Variants in NKAIN3 observed in about 807,000 individuals in gnomAD.
NKAIN3 encodes the protein sodium/potassium-transporting ATPase subunit beta-1-interacting protein 3.
A neutral mutation model predicts 30.2 loss-of-function variants in NKAIN3; 25 were observed. That is an observed-to-expected ratio of 0.83 (90% CI 0.60 to 1.16). The LOEUF (loss-of-function observed/expected upper bound fraction) is 1.16. Among genes scored for constraint, NKAIN3 ranks in the 50% most tolerant of loss-of-function variants. The pLI, the probability that NKAIN3 is intolerant of heterozygous loss-of-function variation, is 0.00. For synonymous variants in NKAIN3, 91 were observed against 89.6 expected (o/e 1.02, Z -0.09); for missense variants, 225 against 254.1 (o/e 0.89, Z 0.78).
intron 3 of NKAIN3, among the ~76,000 whole-genome samples, chr8:62,711,632 T>C (rs1419892518): frequency 1.3e-5 from 2 of 152,208 alleles, no homozygotes; most frequent in Non-Finnish European, 2.9e-5. Context: ...TGAATATTTC[T>C]CCCTTCACTT....
intron 4 of NKAIN3, among the ~76,000 whole-genome samples, chr8:62,782,769 A>C (rs1460838127): frequency 6.7e-6 from 1 of 149,634 alleles, no homozygotes; most frequent in Non-Finnish European, 1.5e-5. Flanking sequence ...AGAATGATAC[A>C]TACGAGATAA....
chr8:62,587,777 T>A (rs1810525534), intron 2 of NKAIN3, among the ~76,000 whole-genome samples: 1 of 151,992 alleles, frequency 6.6e-6, no homozygotes, highest in African/African-American at 2.4e-5. Context: ...CCTTTTATTG[T>A]CAAAAACGTA....
At chr8:62,376,553 C>A (rs1323852442) in intron 1 of NKAIN3, among the ~76,000 whole-genome samples, 1 of 152,152 alleles carries the variant, frequency 6.6e-6, no homozygotes, top group East Asian at 1.9e-4. Flanking sequence ...GTGCTTGCAC[C>A]TGTCTGGGAC....
chr8:62,858,732 A>G (rs769499410), intron 4 of NKAIN3, among the ~76,000 whole-genome samples: 2 of 152,196 alleles, frequency 1.3e-5, no homozygotes, highest in Non-Finnish European at 2.9e-5. Flanking sequence ...GAGTCAACCA[A>G]ACAGCAGAGA....
At chr8:62,360,338 TTGTTAAAGGTGAAATCAC>T (rs1816514719) in intron 1 of NKAIN3, among the ~76,000 whole-genome samples, 1 of 152,200 alleles carries the variant, frequency 6.6e-6, no homozygotes, top group South Asian at 2.1e-4. Flanking sequence ...CCAGGAAGGT[TTGTTAAAGGTGAAATCAC>T]TGTTTCATAA....
chr8:62,312,369 A>G lies in NKAIN3; in HGVS notation c.54+63242A>G, dbSNP rs142794311. On this transcript the variant is annotated intron_variant, in intron 1 of 6. Transcript: ENST00000623646. ...AATATTAGGCTCTTAAGCAAAAAAT[A>G]TTGATGAGCACTGTCAATTCTGGCT... 6.1e-3 allele frequency among the ~76,000 whole-genome samples: 918 copies of G among 150,772 alleles called. 93 individuals are homozygous for G. The highest frequency in any genetic ancestry group is 0.022 in the African/African-American group (882 of 40,100).
At chr8:62,609,053 A>G (rs1260263906) in intron 3 of NKAIN3, among the ~76,000 whole-genome samples, 1 of 152,108 alleles carries the variant, frequency 6.6e-6, no homozygotes, top group Non-Finnish European at 1.5e-5. Flanking sequence ...CTCTAAGTCT[A>G]AACTGTGATA....
At chr8:62,733,061 T>A (rs1459659123) in intron 3 of NKAIN3, among the ~76,000 whole-genome samples, 4 of 152,122 alleles carry the variant, frequency 2.6e-5, no homozygotes, top group African/African-American at 7.2e-5. Flanking sequence ...TATTCTCTAC[T>A]ACTTCAAAAT....
chr8:62,425,939 A>G (rs954145360), intron 1 of NKAIN3, among the ~76,000 whole-genome samples: 2 of 151,974 alleles, frequency 1.3e-5, no homozygotes, highest in East Asian at 1.9e-4. Flanking sequence ...CCAATATTTT[A>G]ATTTTATCAG....
intron 3 of NKAIN3, among the ~76,000 whole-genome samples, chr8:62,694,549 G>A (rs1057507133): frequency 5.3e-5 from 8 of 152,120 alleles, no homozygotes; most frequent in Non-Finnish European, 8.8e-5. Flanking sequence ...CAAAGAAAGA[G>A]AGAGGACGTC....
At chr8:62,656,176 A>G (rs1812758774) in intron 3 of NKAIN3, among the ~76,000 whole-genome samples, 3 of 152,118 alleles carry the variant, frequency 2.0e-5, no homozygotes, top group Admixed American at 2.0e-4. Flanking sequence ...ATTTTGTGCC[A>G]TGACTAATAT....
At chr8:62,922,897 TA>T (rs1822325978) in intron 5 of NKAIN3, among the ~76,000 whole-genome samples, 2 of 152,152 alleles carry the variant, frequency 1.3e-5, no homozygotes, top group Admixed American at 1.3e-4. Flanking sequence ...ACACAATGAC[TA>T]GCTAATCCTC....
At chr8:62,673,426 A>G (rs138125906) in intron 3 of NKAIN3, among the ~76,000 whole-genome samples, 6 of 152,358 alleles carry the variant, frequency 3.9e-5, no homozygotes, top group Non-Finnish European at 7.3e-5. Flanking sequence ...CCAAGGGTAC[A>G]ATCTTTATGA....
intron 3 of NKAIN3, among the ~76,000 whole-genome samples, chr8:62,638,271 T>A (rs1205750938): frequency 6.6e-6 from 1 of 152,182 alleles, no homozygotes; most frequent in African/African-American, 2.4e-5. Context: ...TTTCTCACAC[T>A]TGTCATTTTG....
At chr8:62,756,435 A>G (rs1008267183) in intron 4 of NKAIN3, among the ~76,000 whole-genome samples, 3 of 152,158 alleles carry the variant, frequency 2.0e-5, no homozygotes, top group Non-Finnish European at 4.4e-5. Flanking sequence ...ATTCTATCAT[A>G]CATTTACTCT....
At chr8:62,622,657 A>C (rs1291864437) in intron 3 of NKAIN3, among the ~76,000 whole-genome samples, 1 of 151,974 alleles carries the variant, frequency 6.6e-6, no homozygotes, top group Non-Finnish European at 1.5e-5. Context: ...GATTTCATTA[A>C]ATAATTTAAA....
In NKAIN3 at chr8:62,770,329, C is replaced by T. The variant is rs116540462; in HGVS notation, c.471+23200C>T. Among the ~76,000 whole-genome samples, 417 of 152,314 alleles carry T rather than the reference C, an allele frequency of 2.7e-3. 3 individuals are homozygous for T. The highest frequency in any genetic ancestry group is 9.7e-3 in the African/African-American group (402 of 41,564). ...GCAATAGCAGAGGATAGGAGATTTA[C>T]TGGCTTTAGGTGTGTCTTAGTCAGT... On this transcript the variant is annotated intron_variant, in intron 4 of 6. Coordinates refer to ENST00000623646, the MANE Select transcript of NKAIN3 (RefSeq NM_001304533.3).
intron 4 of NKAIN3, among the ~76,000 whole-genome samples, chr8:62,906,078 AC>A (rs2130843675): frequency 6.6e-6 from 1 of 152,306 alleles, no homozygotes; most frequent in East Asian, 1.9e-4. Context: ...TTCCAGTAAC[AC>A]AACCCACAAG....
chr8:62,326,731 G>A (rs944991025), intron 1 of NKAIN3, among the ~76,000 whole-genome samples: 2 of 151,796 alleles, frequency 1.3e-5, no homozygotes, highest in Admixed American at 1.3e-4. Flanking sequence ...TCCACCTTTT[G>A]GCTATTGTGA....
Sources: gnomAD v4.1 joint callset for allele counts (sites outside exome capture counted in the v4.1 genomes callset) on GRCh38, gnomAD v4.1.1 for gene constraint, MANE v1.5 for transcripts, NCBI Gene and HGNC (gene_info 2026-07-23, HGNC 2026-07-21) for gene names.